Variants in ELAVL4 observed in about 807,000 individuals in gnomAD.
The protein encoded by ELAVL4 is ELAV like RNA binding protein 4.
ELAVL4 carries 1 observed loss-of-function variant against 35.6 expected under a neutral mutation model. The ratio of observed to expected loss-of-function variants is 0.03; its 90% confidence interval spans 0.01 to 0.13. The LOEUF (loss-of-function observed/expected upper bound fraction) is 0.13. ELAVL4 is among the 10% of genes least tolerant of loss of function. The probability of loss-of-function intolerance (pLI) is 1.00; values close to 1 mark genes in which losing one functional copy is unlikely to be tolerated. For synonymous variants in ELAVL4, 156 were observed against 171.0 expected (o/e 0.91, Z 0.69); for missense variants, 267 against 464.9 (o/e 0.57, Z 3.91).
intron 1 of ELAVL4, among the ~76,000 whole-genome samples, chr1:50,054,941 C>CTGGCTAGCAG (rs1158424787): frequency 2.0e-5 from 3 of 152,224 alleles, no homozygotes; most frequent in South Asian, 2.1e-4. Flanking sequence ...TTCCAGGTTA[C>CTGGCTAGCAG]TGGCTAGCAG....
chr1:50,120,060 A>AATATAT (rs112021692), intron 1 of ELAVL4, among the ~76,000 whole-genome samples: 87 of 147,174 alleles, frequency 5.9e-4, no homozygotes, highest in South Asian at 4.3e-3. Flanking sequence ...AGAATCAACA[A>AATATAT]ATATATATAT....
chr1:50,053,594 C>A lies in ELAVL4; in HGVS notation c.18+5412C>A, dbSNP rs146626971. Among the ~76,000 whole-genome samples the A allele has an allele frequency of 3.5e-3, 530 of 152,272 alleles. 1 individual carries two copies. The highest frequency in any genetic ancestry group is 0.017 in the Middle Eastern group (5 of 294). ...CAAACTCCTGGCCTCAAGTGATCCT[C>A]CCACCTCAGCCTCTCAAAGTGCTGG... On this transcript the variant is annotated intron_variant, in intron 1 of 6. Coordinates refer to the ELAVL4 transcript ENST00000448907.
intron 3 of ELAVL4, among the ~76,000 whole-genome samples, chr1:50,193,120 G>T (rs913081001): frequency 1.3e-5 from 2 of 152,052 alleles, no homozygotes; most frequent in African/African-American, 4.8e-5. Flanking sequence ...GAGGCGACTG[G>T]TCCTTGCAGA....
intron 1 of ELAVL4, among the ~76,000 whole-genome samples, chr1:50,089,004 C>T (rs1320990731): frequency 1.3e-5 from 2 of 152,194 alleles, no homozygotes; most frequent in Non-Finnish European, 2.9e-5. Flanking sequence ...GGTGCTAACC[C>T]ATGGCAAGGC....
At chr1:50,102,194 GGA>G (rs1666016104), upstream of ELAVL4, among the ~76,000 whole-genome samples, 1 of 152,116 alleles carries the variant, frequency 6.6e-6, no homozygotes, top group South Asian at 2.1e-4. Flanking sequence ...GGCTGAGGCA[GGA>G]GAATGGCTGA....
At chr1:50,091,518 C>T (rs1026395108) in intron 1 of ELAVL4, among the ~76,000 whole-genome samples, 1 of 152,106 alleles carries the variant, frequency 6.6e-6, no homozygotes, top group African/African-American at 2.4e-5. Context: ...AACCCCAGAC[C>T]CATAAAGAGG....
chr1:50,149,586 C>T (rs972376283), intron 2 of ELAVL4, among the ~76,000 whole-genome samples: 5 of 147,836 alleles, frequency 3.4e-5, no homozygotes, highest in African/African-American at 1.3e-4. Context: ...CTCTGTTGCC[C>T]AGACTGGAGT....
chr1:50,152,359 GT>G (rs1674943161), intron 2 of ELAVL4, among the ~76,000 whole-genome samples: 1 of 151,856 alleles, frequency 6.6e-6, no homozygotes, highest in Non-Finnish European at 1.5e-5. Context: ...TTAGCTGACT[GT>G]TTGGTTCGTA....
At chr1:50,064,403 T>C (rs1350073251) in intron 1 of ELAVL4, among the ~76,000 whole-genome samples, 8 of 152,188 alleles carry the variant, frequency 5.3e-5, no homozygotes, top group Non-Finnish European at 2.9e-5. Flanking sequence ...TCTATCTTTT[T>C]TTCTACTCCC....
At chr1:50,058,366 T>G in intron 1 of ELAVL4, among the ~76,000 whole-genome samples, 1 of 152,120 alleles carries the variant, frequency 6.6e-6, no homozygotes, top group East Asian at 1.9e-4. Context: ...AAGGACAGGA[T>G]AGGATATATA....
intron 2 of ELAVL4, among the ~76,000 whole-genome samples, chr1:50,159,915 G>T (rs1035305818): frequency 6.6e-6 from 1 of 152,080 alleles, no homozygotes; most frequent in African/African-American, 2.4e-5. Context: ...GGTGTCCTGG[G>T]AAAGTCTCAC....
intron 2 of ELAVL4, among the ~76,000 whole-genome samples, chr1:50,151,674 T>A (rs1170583772): frequency 1.3e-5 from 2 of 152,244 alleles, no homozygotes; most frequent in Admixed American, 6.5e-5. Context: ...ATTTTGCTGC[T>A]GATTTGGAAA....
intron 1 of ELAVL4, among the ~76,000 whole-genome samples, chr1:50,055,877 A>G (rs968634570): frequency 6.6e-6 from 1 of 152,124 alleles, no homozygotes; most frequent in African/African-American, 2.4e-5. Context: ...GAGAAAATAA[A>G]AAGCAAAAGT....
intron 1 of ELAVL4, among the ~76,000 whole-genome samples, chr1:50,127,194 C>T (rs1033534529): frequency 6.6e-6 from 1 of 152,098 alleles, no homozygotes; most frequent in South Asian, 2.1e-4. Flanking sequence ...GCACCCTGCA[C>T]CTGCCTCTGA....
chr1:50,171,266 G>C (rs1037734225), intron 2 of ELAVL4, among the ~76,000 whole-genome samples: 1 of 152,136 alleles, frequency 6.6e-6, no homozygotes, highest in Non-Finnish European at 1.5e-5. Context: ...CAGTGCAAGT[G>C]AATGTATCCC....
intron 1 of ELAVL4, chr1:50,109,552 A>C: frequency 2.8e-6 from 1 of 360,692 alleles, no homozygotes; most frequent in Non-Finnish European, 5.1e-6. Context: ...GGGTTTGTCT[A>C]CGTGCCTGGG....
chr1:50,105,932 T>A (rs887190686), upstream of ELAVL4: 2 of 192,444 alleles, frequency 1.0e-5, no homozygotes, highest in Non-Finnish European at 2.1e-5. Context: ...CGCTTAATGC[T>A]GCTTTGTTAA....
At chr1:50,058,106 G>T (rs936856509) in intron 1 of ELAVL4, among the ~76,000 whole-genome samples, 3 of 152,182 alleles carry the variant, frequency 2.0e-5, no homozygotes, top group African/African-American at 7.2e-5. Flanking sequence ...ACGGGGGGAA[G>T]TGATCAGAGT....
upstream of ELAVL4, among the ~76,000 whole-genome samples, chr1:50,106,946 A>G (rs1317486896): frequency 6.6e-6 from 1 of 152,204 alleles, no homozygotes; most frequent in Admixed American, 6.5e-5. Context: ...ATGGGAGAAA[A>G]GGGTTTTTAA....
Sources: gnomAD v4.1 joint callset for allele counts (sites outside exome capture counted in the v4.1 genomes callset) on GRCh38, gnomAD v4.1.1 for gene constraint, MANE v1.5 for transcripts, NCBI Gene and HGNC (gene_info 2026-07-23, HGNC 2026-07-21) for gene names.